ABTB2: variants seen among roughly 807,000 people sequenced by gnomAD.
ABTB2 encodes the protein ankyrin repeat and BTB/POZ domain-containing protein 2.
ABTB2 carries 56 observed loss-of-function variants against 104.1 expected under a neutral mutation model. The observed-to-expected ratio is 0.54, with a 90% confidence interval of 0.43 to 0.67. ABTB2 has a LOEUF of 0.67. ABTB2 is among the 30% of genes least tolerant of loss of function. ABTB2 has a pLI of 0.00. For missense variants in ABTB2, 1,279 were observed against 1,407.7 expected, an observed-to-expected ratio of 0.91 and a Z score of 1.46; for synonymous variants, 606 against 608.2, an observed-to-expected ratio of 1.00 and a Z score of 0.05.
chr11:34,294,562 G>T (rs1161502939), intron 1 of ABTB2, among the ~76,000 whole-genome samples: 1 of 152,024 alleles, frequency 6.6e-6, no homozygotes, highest in African/African-American at 2.4e-5. Context: ...TGTGCATGAG[G>T]CCAGGTGAAA....
chr11:34,283,552 C>T (rs931695252), intron 1 of ABTB2, among the ~76,000 whole-genome samples: 12 of 152,132 alleles, frequency 7.9e-5, no homozygotes, highest in African/African-American at 2.9e-4. Context: ...AGCATATATC[C>T]ATTTAGCAAG....
At chr11:34,231,669 C>T (rs2133057306) in intron 1 of ABTB2, among the ~76,000 whole-genome samples, 1 of 152,298 alleles carries the variant, frequency 6.6e-6, no homozygotes. Flanking sequence ...CTCCTGGGTT[C>T]AAGCGATTCT....
chr11:34,173,371 G>A, intron 3 of ABTB2, 64 bp from the exon 4 acceptor site: 1 of 1,498,710 alleles, frequency 6.7e-7, no homozygotes, highest in Non-Finnish European at 9.0e-7. Flanking sequence ...CAGAGAGAGG[G>A]TCAGGCCTGG....
At chr11:34,234,727 C>G (rs912713358) in intron 1 of ABTB2, among the ~76,000 whole-genome samples, 2 of 152,210 alleles carry the variant, frequency 1.3e-5, no homozygotes, top group African/African-American at 4.8e-5. Context: ...TATTGCGACT[C>G]CCAGCTTACA....
At position 34,156,242 on chromosome 11, in the gene ABTB2, C is replaced by T. The variant is rs77655970; in HGVS notation, c.2698-1473G>A. ...TGAGGCCACAGAAGTCAGATCAGAA[C>T]GGCTCACCTGGAGCCTTGCTATGGG... On this transcript the variant is annotated intron_variant, in intron 14 of 16. Transcript: ENST00000435224. 6.5e-3 allele frequency among the ~76,000 whole-genome samples: 984 copies of T among 152,344 alleles called. 13 individuals are homozygous for T. Among genetic ancestry groups the T allele is most frequent in the African/African-American group, 0.022 (920 of 41,586 alleles).
chr11:34,244,914 G>A (rs1853967307), intron 1 of ABTB2, among the ~76,000 whole-genome samples: 2 of 137,922 alleles, frequency 1.5e-5, no homozygotes, highest in African/African-American at 5.6e-5. Flanking sequence ...AGGCTGAAGT[G>A]GATGGATCGC....
chr11:34,328,337 T>A (rs975115881), intron 1 of ABTB2, among the ~76,000 whole-genome samples: 1 of 152,176 alleles, frequency 6.6e-6, no homozygotes, highest in Non-Finnish European at 1.5e-5. Flanking sequence ...ATCCACAGCA[T>A]CGGAGTGAGG....
At chr11:34,207,824 G>A (rs903126366) in intron 1 of ABTB2, among the ~76,000 whole-genome samples, 5 of 152,228 alleles carry the variant, frequency 3.3e-5, no homozygotes, top group Admixed American at 6.5e-5. Flanking sequence ...GCTAGGCAGC[G>A]CCTAGGATAT....
chr11:34,180,884 G>A lies in ABTB2; in HGVS notation c.1245-7577C>T, dbSNP rs546088279. Among the ~76,000 whole-genome samples, 11 of 152,238 alleles carry A rather than the reference G, an allele frequency of 7.2e-5. No homozygotes were observed. In the South Asian group the frequency reaches 2.3e-3, roughly 32 times the overall value. ...ATTCCCCCCTTTAAAAAATGAAAGA[G>A]TATAAGCTTCTTAAGGCCTTGGTTT... is the stretch of plus-strand genomic sequence containing the variant. On this transcript the variant is annotated intron_variant, in intron 3 of 16. Coordinates refer to ENST00000435224, the MANE Select transcript of ABTB2 (RefSeq NM_145804.3).
At chr11:34,213,514 A>G (rs1380812660) in intron 1 of ABTB2, among the ~76,000 whole-genome samples, 6 of 152,106 alleles carry the variant, frequency 3.9e-5, no homozygotes, top group Non-Finnish European at 1.5e-5. Context: ...CAGCCCCACA[A>G]GTGTGGCAAA....
At chr11:34,275,950 T>C (rs1289102752) in intron 1 of ABTB2, among the ~76,000 whole-genome samples, 3 of 152,244 alleles carry the variant, frequency 2.0e-5, no homozygotes, top group South Asian at 2.1e-4. Flanking sequence ...AACAGGGCCA[T>C]TGCTAGACGG....
At chr11:34,232,755 A>T (rs555318467) in intron 1 of ABTB2, among the ~76,000 whole-genome samples, 2 of 152,156 alleles carry the variant, frequency 1.3e-5, no homozygotes, top group East Asian at 3.9e-4. Context: ...TGGGAGGATC[A>T]CTGAGACCAG....
chr11:34,168,049 G>A, intron 5 of ABTB2, 57 bp from the exon 6 acceptor site: 2 of 1,536,124 alleles, frequency 1.3e-6, no homozygotes, highest in South Asian at 2.3e-5. Flanking sequence ...AACACCATGT[G>A]CCCACAGGCC....
rs765453791 is a variant in ABTB2, at chr11:34,357,244, C to G, written c.340G>C (p.Gly114Arg). 6.7e-7 allele frequency: 1 copy of G among 1,497,236 alleles called. No homozygotes were observed. Among genetic ancestry groups the G allele is most frequent in the South Asian group, 1.3e-5 (1 of 77,498 alleles). The allele number at this position is 1,497,236 out of a possible 1,614,324, so 92.7% of individuals were successfully genotyped here. The part of the protein sequence containing the change: ...VARVLRKGAG[G>R]RRLPQFSAEA... ...GCGGAGAACTGGGGCAGCCGCCGGC[C>G]GCCAGCGCCTTTGCGGAGCACCCGG... Residue 114 changes from glycine (G) to arginine (R), a missense_variant, in exon 1 of 17, where the codon GGC becomes CGC. Gly to Arg is a moderately radical substitution (Grantham distance 125). Coordinates refer to ENST00000435224, the MANE Select transcript of ABTB2 (RefSeq NM_145804.3).
Position 34,357,348 on chromosome 11 carries a change from G to A in ABTB2, c.236C>T (p.Pro79Leu). ...DTVNTVLPED[P>L]EVADLFSRCP... ...GCGCGAGAAGAGGTCGGCCACTTCG[G>A]GGTCCTCGGGCAGCACCGTGTTCAC... The change falls in exon 1 of 17, where the codon CCC becomes CTC. Residue 79 changes from proline (P) to leucine (L), a missense_variant. Pro to Leu is a moderately conservative substitution (Grantham distance 98). Transcript: ENST00000435224. 2 of 1,526,682 alleles carry A rather than the reference G, an allele frequency of 1.3e-6. No homozygotes were observed. The highest frequency in any genetic ancestry group is 1.8e-6 in the Non-Finnish European group (2 of 1,131,410). 94.6% of individuals were successfully genotyped at this position (1,526,682 alleles called of 1,614,324 possible).
intron 3 of ABTB2, among the ~76,000 whole-genome samples, chr11:34,194,766 T>G (rs1486971946): frequency 8.7e-6 from 1 of 114,330 alleles, no homozygotes; most frequent in Non-Finnish European, 1.8e-5. Context: ...TGTCATAACT[T>G]AAAAATTTGG....
intron 1 of ABTB2, among the ~76,000 whole-genome samples, chr11:34,292,485 T>A (rs1480312356): frequency 6.6e-6 from 1 of 151,858 alleles, no homozygotes. Context: ...GTGGTCCGAA[T>A]CCAGTCAGTC....
intron 1 of ABTB2, among the ~76,000 whole-genome samples, chr11:34,285,801 G>C (rs1854498403): frequency 6.6e-6 from 1 of 152,170 alleles, no homozygotes; most frequent in African/African-American, 2.4e-5. Flanking sequence ...GTTACTGAGA[G>C]GCAAGCACTT....
chr11:34,356,663 G>A lies in ABTB2; in HGVS notation c.883+38C>T. 2.0e-6 allele frequency: 3 copies of A among 1,516,438 alleles called. No homozygotes were observed. The highest frequency in any genetic ancestry group is 2.7e-5 in the African/African-American group (2 of 73,074). The allele number at this position is 1,516,438 out of a possible 1,614,324, so 93.9% of individuals were successfully genotyped here. ...CCAGTAGCCCAGGGCGGGATTTCTT[G>A]CCTACCCAGTCTGCCAGTCCGAGGC... is the stretch of plus-strand genomic sequence containing the variant. On this transcript the variant is annotated intron_variant, in intron 1 of 16. Coordinates refer to ENST00000435224, the MANE Select transcript of ABTB2 (RefSeq NM_145804.3). The surrounding 1 kb of genome is among the most constrained non-coding windows in gnomAD (Gnocchi z 4.6).
Sources: allele counts gnomAD v4.1 joint callset (sites outside exome capture counted in the v4.1 genomes callset), GRCh38; gene constraint gnomAD v4.1.1; non-coding constraint Gnocchi (gnomAD v3.1); transcripts MANE v1.5; gene names NCBI Gene and HGNC (gene_info 2026-07-23, HGNC 2026-07-21).